Variants in TTC19 observed in about 807,000 individuals in gnomAD.
TTC19 encodes the protein tetratricopeptide repeat protein 19, mitochondrial.
In TTC19, 38 loss-of-function variants were observed where a neutral mutation model predicts 49.5. The observed-to-expected ratio is 0.77, with a 90% CI of 0.59 to 1.01. The LOEUF (loss-of-function observed/expected upper bound fraction) is 1.01, where lower values mean the gene tolerates loss of function less well. Among genes scored for constraint, TTC19 ranks in the 50% least tolerant of loss-of-function variants. TTC19 has a pLI of 0.00. For synonymous variants in TTC19, 204 were observed against 185.2 expected (o/e 1.10, Z -0.83); for missense variants, 475 against 477.7 (o/e 0.99, Z 0.05).
intron 2 of TTC19, among the ~76,000 whole-genome samples, chr17:16,001,026 T>C (rs1368970965): frequency 6.6e-6 from 1 of 152,208 alleles, no homozygotes. Flanking sequence ...TTTCCCCTTT[T>C]GTCTATCTCC....
In TTC19 at chr17:16,027,758, A is replaced by G. The variant is rs998922993; in HGVS notation, c.*236A>G. The G allele has an allele frequency of 3.4e-6, 2 of 587,870 alleles. No individual in the cohort carries two copies. The highest frequency in any genetic ancestry group is 6.4e-6 in the Non-Finnish European group (2 of 312,836). 36.4% of individuals were successfully genotyped at this position (587,870 alleles called of 1,614,324 possible). A position where few individuals can be genotyped will look rare whatever the true frequency, so the allele number is the denominator to read the frequency against. Reference sequence around the variant, plus strand: ...CAGGATGTCGTCAAGTGATGCTTTCAGTTGTAACACGTGACTTGGTGCTGT... The same window carrying G: ...CAGGATGTCGTCAAGTGATGCTTTCGGTTGTAACACGTGACTTGGTGCTGT... On this transcript the variant is annotated 3_prime_UTR_variant, in exon 10 of 10. Coordinates refer to ENST00000261647, the MANE Select transcript of TTC19 (RefSeq NM_017775.4).
intron 4 of TTC19, among the ~76,000 whole-genome samples, chr17:16,003,258 ATTTT>A (rs924257661): frequency 1.3e-5 from 2 of 150,004 alleles, no homozygotes; most frequent in Non-Finnish European, 3.0e-5. Flanking sequence ...AATTGACTGA[ATTTT>A]TTTTTTAAGA....
At chr17:16,006,438 A>G (rs2151652069) in intron 6 of TTC19, 36 bp from the exon 7 acceptor site, 1 of 1,440,990 alleles carries the variant, frequency 6.9e-7, no homozygotes, top group African/African-American at 1.4e-5. Context: ...AAAAAGAAGA[A>G]AAGGTAAATG....
At chr17:16,042,348 TAA>T (rs1219482662) in intron 2 of TTC19, among the ~76,000 whole-genome samples, 1 of 152,244 alleles carries the variant, frequency 6.6e-6, no homozygotes, top group African/African-American at 2.4e-5. Context: ...ACTGAATTGT[TAA>T]GATTACCTTA....
At chr17:16,033,616 A>C (rs969546000), downstream of TTC19, among the ~76,000 whole-genome samples, 1 of 151,232 alleles carries the variant, frequency 6.6e-6, no homozygotes, top group African/African-American at 2.4e-5. Context: ...AAGATGGCTT[A>C]TAATTCTCTG....
At chr17:16,001,750 A>G (rs1195461462) in intron 2 of TTC19, among the ~76,000 whole-genome samples, 165 bp from the exon 3 acceptor site, 1 of 152,220 alleles carries the variant, frequency 6.6e-6, no homozygotes, top group Non-Finnish European at 1.5e-5. Context: ...CCTCCCTGTC[A>G]TCTCTGTAGA....
intron 7 of TTC19, chr17:16,024,735 C>T (rs1971496602): frequency 2.4e-6 from 1 of 425,138 alleles, no homozygotes; most frequent in East Asian, 4.9e-5. Flanking sequence ...TTGTTGTTAA[C>T]TCATTCTTCT....
chr17:16,020,381 G>C (rs1041675196), intron 7 of TTC19, among the ~76,000 whole-genome samples: 4 of 151,858 alleles, frequency 2.6e-5, no homozygotes, highest in Non-Finnish European at 5.9e-5. Flanking sequence ...TTAACGATTC[G>C]TAAGAGTTCC....
At chr17:16,014,551 A>G (rs1159269013) in intron 7 of TTC19, among the ~76,000 whole-genome samples, 1 of 152,216 alleles carries the variant, frequency 6.6e-6, no homozygotes, top group Non-Finnish European at 1.5e-5. Flanking sequence ...ATTTATAATC[A>G]TACATTCCGG....
At chr17:16,034,285 T>C (rs1442604628), downstream of TTC19, among the ~76,000 whole-genome samples, 1 of 152,124 alleles carries the variant, frequency 6.6e-6, no homozygotes, top group Non-Finnish European at 1.5e-5. Flanking sequence ...ATGTTTCAGG[T>C]TATATGTGCA....
chr17:16,012,063 A>AT (rs1010238347), intron 7 of TTC19, among the ~76,000 whole-genome samples: 2 of 148,990 alleles, frequency 1.3e-5, no homozygotes, highest in Admixed American at 1.3e-4. Context: ...TAAGAGGTTT[A>AT]TTTTTTATTG....
chr17:16,002,082 GTAGT>G (rs1555528761), intron 3 of TTC19, 57 bp downstream of exon 3: 12 of 1,142,972 alleles, frequency 1.0e-5, no homozygotes, highest in South Asian at 2.4e-5. Context: ...GGAGGGAAGG[GTAGT>G]TAGTTCTTCT....
At position 16,000,242 on chromosome 17, in the gene TTC19, C is replaced by G; in HGVS notation, c.309C>G (p.Ala103=). ...AGATCATCCAGCTGCTGAAGCGAGC[C>G]AAGGTGAGGCGGCTCCGGGCCCTGC... is the stretch of plus-strand genomic sequence containing the variant. ...EAEIIQLLKR[A]KLSIMKDEPE... is the part of the protein sequence containing the mutation. The change falls in exon 2 of 10, where the codon GCC becomes GCG. Residue 103 remains alanine (A), a synonymous_variant. Coordinates refer to ENST00000261647, the MANE Select transcript of TTC19 (RefSeq NM_017775.4). The G allele has an allele frequency of 6.3e-7, 1 of 1,595,138 alleles. No homozygotes were observed. Among genetic ancestry groups the G allele is most frequent in the East Asian group, 2.2e-5 (1 of 44,852 alleles).
At position 16,027,424 on chromosome 17, in the gene TTC19, A is replaced by T. The variant is rs768787227; in HGVS notation, c.1045A>T (p.Lys349Ter). 4 of 1,614,130 alleles carry T rather than the reference A, an allele frequency of 2.5e-6. No individual in the cohort carries two copies. The highest frequency in any genetic ancestry group is 3.4e-6 in the Non-Finnish European group (4 of 1,179,972). The change falls in exon 10 of 10, where the codon AAG (lysine) becomes TAG (stop). Residue 349 changes from lysine to a stop codon, truncating the protein, a stop_gained. Transcript: ENST00000261647. LOFTEE classifies it high-confidence loss of function. ...CTACCAGGAAGCACTGAAGCAAGCA[A>T]AGCTGAAAAAAGATGAAATTTCTGT... ...EIYQEALKQA[K>*]LKKDEISVQH... is the part of the protein sequence containing the mutation.
downstream of TTC19, chr17:16,031,967 T>G (rs979869427): frequency 3.1e-6 from 1 of 319,424 alleles, no homozygotes; most frequent in Non-Finnish European, 5.7e-6. Flanking sequence ...GGTCATCTAT[T>G]TACAGAAGAG....
At chr17:16,003,499 G>T (rs989876232) in intron 4 of TTC19, among the ~76,000 whole-genome samples, 1 of 151,818 alleles carries the variant, frequency 6.6e-6, no homozygotes, top group East Asian at 1.9e-4. Flanking sequence ...AAATCGAGGG[G>T]ACTCTGTAAT....
At chr17:16,000,285 A>G in intron 2 of TTC19, 40 bp downstream of exon 2, 1 of 1,591,108 alleles carries the variant, frequency 6.3e-7, no homozygotes, top group Non-Finnish European at 8.5e-7. Context: ...CGAGCGCGGT[A>G]GCCTTTGTGA....
intron 7 of TTC19, among the ~76,000 whole-genome samples, chr17:16,017,133 G>T (rs529484744): frequency 6.6e-6 from 1 of 152,010 alleles, no homozygotes; most frequent in African/African-American, 2.4e-5. Flanking sequence ...TATTTGTTAC[G>T]AATTCTAGTT....
At chr17:16,030,174 T>C (rs1311493743), downstream of TTC19, 1 of 207,932 alleles carries the variant, frequency 4.8e-6, no homozygotes, top group Non-Finnish European at 9.6e-6. Context: ...TTTGTTAAGA[T>C]TATAAGGAAG....
Sources: gnomAD v4.1 joint callset for allele counts (sites outside exome capture counted in the v4.1 genomes callset) on GRCh38, gnomAD v4.1.1 for gene constraint, MANE v1.5 for transcripts, NCBI Gene and HGNC (gene_info 2026-07-23, HGNC 2026-07-21) for gene names.